MAK: variants seen among roughly 807,000 people sequenced by gnomAD.
MAK encodes serine/threonine-protein kinase MAK.
In MAK, 65 loss-of-function variants were observed where a neutral mutation model predicts 82.6. The ratio of observed to expected loss-of-function variants is 0.79; its 90% CI spans 0.64 to 0.97. The LOEUF (loss-of-function observed/expected upper bound fraction) is 0.97. Ranked by LOEUF, MAK falls within the 50% of genes least tolerant of loss-of-function variation. The pLI is 0.00. For missense variants in MAK, 703 were observed against 780.2 expected, an observed-to-expected ratio of 0.90 and a Z score of 1.18; for synonymous variants, 250 against 274.2, an observed-to-expected ratio of 0.91 and a Z score of 0.87.
chr6:10,770,159 A>G lies in MAK; in HGVS notation c.1744T>C (p.Ser582Pro). ...GCTAAGTGGATCCTCTGGCCAGCTGACTGCACTTCTTTTTTGAGAAAGGAA... is the reference window on the plus strand; with the variant it reads ...GCTAAGTGGATCCTCTGGCCAGCTGGCTGCACTTCTTTTTTGAGAAAGGAA... Reference protein sequence around the residue: ...IPSFLKKEVQSAGQRIHLAPL... With the variant: ...IPSFLKKEVQPAGQRIHLAPL... The change falls in exon 14 of 15, where the codon TCA becomes CCA. Residue 582 changes from serine to proline, a missense_variant. Transcript: ENST00000354489. 1 of 1,614,160 alleles carries G rather than the reference A, an allele frequency of 6.2e-7. No individual in the cohort carries two copies. Among genetic ancestry groups the G allele is most frequent in the Non-Finnish European group, 8.5e-7 (1 of 1,180,018 alleles).
intron 4 of MAK, among the ~76,000 whole-genome samples, chr6:10,815,923 T>C (rs1220602892): frequency 2.9e-5 from 1 of 34,202 alleles, no homozygotes; most frequent in Middle Eastern, 8.2e-3. Flanking sequence ...TATATATATA[T>C]ATATATATAT....
chr6:10,807,336 C>CTTTTTT (rs35237927), intron 6 of MAK, among the ~76,000 whole-genome samples: 2 of 73,734 alleles, frequency 2.7e-5, no homozygotes, highest in Non-Finnish European at 4.8e-5. Flanking sequence ...ACATATATTC[C>CTTTTTT]TTTTTTTTTT....
intron 4 of MAK, among the ~76,000 whole-genome samples, chr6:10,814,538 G>A (rs764642535): frequency 5.3e-5 from 8 of 151,664 alleles, no homozygotes; most frequent in Middle Eastern, 3.4e-3. Flanking sequence ...GTGTGGTAGC[G>A]CATGCCTGTA....
intron 10 of MAK, among the ~76,000 whole-genome samples, chr6:10,785,210 C>T (rs1398169184): frequency 1.3e-5 from 2 of 152,170 alleles, no homozygotes; most frequent in African/African-American, 4.8e-5. Flanking sequence ...TGTGTACGGA[C>T]TGAGGACTTT....
intron 2 of MAK, 57 bp downstream of exon 2, chr6:10,830,491 C>T: frequency 7.2e-7 from 1 of 1,388,692 alleles, no homozygotes; most frequent in East Asian, 2.3e-5. Flanking sequence ...TAAGCGAGGA[C>T]AGGAAAATAA....
At chr6:10,787,623 CT>C (rs1774689045) in intron 10 of MAK, among the ~76,000 whole-genome samples, 1 of 152,146 alleles carries the variant, frequency 6.6e-6, no homozygotes, top group Non-Finnish European at 1.5e-5. Flanking sequence ...CTTTGGGAGG[CT>C]GAGGCAGGTG....
At position 10,815,301 on chromosome 6, in the gene MAK, T is replaced by G. The variant is rs1010550842; in HGVS notation, c.279-1578A>C. On this transcript the variant is annotated intron_variant, in intron 4 of 14. Coordinates refer to ENST00000354489, the MANE Select transcript of MAK (RefSeq NM_001242957.3). ...TTTTTTTAATTATTTATTTTTAAAA[T>G]TTTACCTTTTTAATTTTTATTTTTT... Among the ~76,000 whole-genome samples, 4 of 151,994 alleles carry G rather than the reference T, an allele frequency of 2.6e-5. No homozygotes were observed. The East Asian group carries it at 7.7e-4, about 29-fold the overall frequency.
At chr6:10,768,997 C>G (rs1444250149) in intron 14 of MAK, among the ~76,000 whole-genome samples, 4 of 152,138 alleles carry the variant, frequency 2.6e-5, no homozygotes, top group Admixed American at 2.0e-4. Context: ...ATTGCTTGCG[C>G]CCACGAGTCA....
Position 10,796,015 on chromosome 6 carries a change from C to T in MAK, c.1126G>A (p.Val376Ile), listed in dbSNP as rs778510807. The T allele has an allele frequency of 5.6e-6, 9 of 1,613,590 alleles. No individual in the cohort carries two copies. The highest frequency in any genetic ancestry group is 4.4e-5 in the South Asian group (4 of 91,056). Residue 376 changes from valine (V) to isoleucine (I), a missense_variant, in exon 9 of 15, where the codon GTC (valine) becomes ATC (isoleucine). By Grantham distance (29) the Val-to-Ile change is conservative. Coordinates refer to ENST00000354489, the MANE Select transcript of MAK (RefSeq NM_001242957.3). ...KPPQTLFPSI[V>I]KNMPTKPNGT... ...CTACTCACAGTTGGCATGTTTTTGACGATGCTCGGGAATAGCGTTTGTGGC... is the reference window on the plus strand; with the variant it reads ...CTACTCACAGTTGGCATGTTTTTGATGATGCTCGGGAATAGCGTTTGTGGC...
In MAK at chr6:10,783,765, C is replaced by A. The variant is rs555069435; in HGVS notation, c.1465+659G>T. Among the ~76,000 whole-genome samples, 19 of 152,178 alleles carry A rather than the reference C, an allele frequency of 1.2e-4. No homozygotes were observed. In the East Asian group the frequency reaches 1.7e-3, roughly 14 times the overall value. On this transcript the variant is annotated intron_variant, in intron 11 of 14. Transcript: ENST00000354489. ...GCTGGGCACAGTGGCTCACGCCTGT[C>A]ATCTCAGCACTTTGGGAGGCCAAGG...
intron 10 of MAK, among the ~76,000 whole-genome samples, chr6:10,788,723 G>A (rs987038205): frequency 6.6e-6 from 1 of 151,882 alleles, no homozygotes; most frequent in Admixed American, 6.6e-5. Context: ...GCAATGAAGC[G>A]ACATTCCGTC....
intron 13 of MAK, among the ~76,000 whole-genome samples, chr6:10,771,577 A>G (rs560622744): frequency 6.6e-6 from 1 of 152,366 alleles, no homozygotes; most frequent in African/African-American, 2.4e-5. Context: ...AGCACTGTTC[A>G]GTAAACAGTG....
At chr6:10,784,321 AT>A in intron 11 of MAK, 102 bp downstream of exon 11, 1 of 1,246,634 alleles carries the variant, frequency 8.0e-7, no homozygotes, top group Non-Finnish European at 1.2e-6. Context: ...CTGTGATTAG[AT>A]TTTTTGCTTC....
intron 4 of MAK, among the ~76,000 whole-genome samples, chr6:10,814,389 C>T (rs560892988): frequency 1.6e-4 from 25 of 152,144 alleles, no homozygotes; most frequent in African/African-American, 5.5e-4. Context: ...TGAGAGATGG[C>T]CGGATGTGGT....
chr6:10,807,503 G>A (rs552334842), intron 6 of MAK, among the ~76,000 whole-genome samples: 82 of 151,488 alleles, frequency 5.4e-4, no homozygotes, highest in Non-Finnish European at 9.3e-4. Context: ...CACCACACCC[G>A]GCTAATTTTG....
intron 1 of MAK, among the ~76,000 whole-genome samples, chr6:10,833,095 G>T (rs1280998772): frequency 1.3e-5 from 2 of 152,116 alleles, no homozygotes; most frequent in Admixed American, 6.6e-5. Flanking sequence ...CATAGAAATT[G>T]CTCCTCTATT....
intron 10 of MAK, among the ~76,000 whole-genome samples, chr6:10,785,685 A>T (rs1774478424): frequency 6.6e-6 from 1 of 151,996 alleles, no homozygotes; most frequent in Admixed American, 6.6e-5. Context: ...TCCCAAAACT[A>T]CTCACTCTAA....
chr6:10,834,450 T>A (rs1779022855), intron 1 of MAK, among the ~76,000 whole-genome samples: 1 of 152,222 alleles, frequency 6.6e-6, no homozygotes, highest in Admixed American at 6.5e-5. Flanking sequence ...GCCATTCTTA[T>A]GAACTGGTGC....
intron 11 of MAK, 34 bp downstream of exon 11, chr6:10,784,390 A>G: frequency 6.2e-7 from 1 of 1,611,578 alleles, no homozygotes; most frequent in Non-Finnish European, 8.5e-7. Context: ...TCTATACTCT[A>G]GTTAGCAGCA....
Sources: allele counts gnomAD v4.1 joint callset (sites outside exome capture counted in the v4.1 genomes callset), GRCh38; gene constraint gnomAD v4.1.1; transcripts MANE v1.5; gene names NCBI Gene and HGNC (gene_info 2026-07-23, HGNC 2026-07-21).